BRINP2: variants seen among roughly 807,000 people sequenced by gnomAD.
BRINP2 encodes BMP/retinoic acid inducible neural specific 2.
Under a neutral mutation model 69.2 loss-of-function variants are expected in BRINP2, and 21 were observed. That is an observed-to-expected ratio of 0.30 (90% CI 0.22 to 0.44). The LOEUF (loss-of-function observed/expected upper bound fraction) is 0.44. BRINP2 is among the 20% of genes least tolerant of loss of function. The probability of loss-of-function intolerance (pLI) is 1.00; values close to 1 mark genes in which losing one functional copy is unlikely to be tolerated. For synonymous variants in BRINP2, 380 were observed against 394.1 expected, an observed-to-expected ratio of 0.96 and a Z score of 0.42; for missense variants, 877 against 986.0, an observed-to-expected ratio of 0.89 and a Z score of 1.48.
chr1:177,175,397 G>C (rs534004280), intron 1 of BRINP2, among the ~76,000 whole-genome samples: 1 of 152,320 alleles, frequency 6.6e-6, no homozygotes, highest in African/African-American at 2.4e-5. Flanking sequence ...GCAATGCCAA[G>C]GAAGGGCCCA....
chr1:177,236,919 A>G (rs775827155), intron 2 of BRINP2, among the ~76,000 whole-genome samples: 1 of 133,992 alleles, frequency 7.5e-6, no homozygotes, highest in South Asian at 2.3e-4. Context: ...GGGTGCAACT[A>G]AAAAAAAAAA....
At chr1:177,178,864 G>A (rs1234187048) in intron 1 of BRINP2, among the ~76,000 whole-genome samples, 1 of 152,132 alleles carries the variant, frequency 6.6e-6, no homozygotes, top group Non-Finnish European at 1.5e-5. Flanking sequence ...TAGACAGAAG[G>A]TATGATTATA....
intron 1 of BRINP2, among the ~76,000 whole-genome samples, chr1:177,189,202 A>G (rs916891830): frequency 9.2e-5 from 14 of 152,184 alleles, no homozygotes; most frequent in Non-Finnish European, 1.6e-4. Context: ...TTGATTCTGA[A>G]AACTCCAAAG....
intron 1 of BRINP2, among the ~76,000 whole-genome samples, chr1:177,201,819 C>A (rs1441791526): frequency 6.6e-6 from 1 of 152,152 alleles, no homozygotes; most frequent in Non-Finnish European, 1.5e-5. Context: ...GGCTGTGAAT[C>A]CATCTGGTCC....
intron 1 of BRINP2, among the ~76,000 whole-genome samples, chr1:177,228,639 A>C (rs976891654): frequency 1.3e-5 from 2 of 152,162 alleles, no homozygotes; most frequent in African/African-American, 4.8e-5. Flanking sequence ...TGGAGGTTGG[A>C]GGTCATTCTG....
At chr1:177,208,330 T>C (rs1649123062) in intron 1 of BRINP2, among the ~76,000 whole-genome samples, 2 of 152,186 alleles carry the variant, frequency 1.3e-5, no homozygotes, top group Non-Finnish European at 2.9e-5. Context: ...GCACTGTATG[T>C]AAGTAGGTTA....
At chr1:177,277,109 T>C (rs1651525217) in intron 6 of BRINP2, among the ~76,000 whole-genome samples, 1 of 152,112 alleles carries the variant, frequency 6.6e-6, no homozygotes, top group South Asian at 2.1e-4. Context: ...GTGGATATAG[T>C]TCAAAAACAT....
intron 1 of BRINP2, among the ~76,000 whole-genome samples, chr1:177,212,154 A>G (rs1649242281): frequency 6.6e-6 from 1 of 152,158 alleles, no homozygotes. Context: ...TTACTCACTG[A>G]AATGTAATCT....
intron 1 of BRINP2, among the ~76,000 whole-genome samples, chr1:177,224,124 T>C (rs1386331991): frequency 6.6e-6 from 1 of 152,180 alleles, no homozygotes; most frequent in Non-Finnish European, 1.5e-5. Flanking sequence ...CCTCCCTTTC[T>C]TGTAAAAACA....
In BRINP2 at chr1:177,198,847, T is replaced by G. The variant is rs565710387; in HGVS notation, c.-77+27115T>G. On this transcript the variant is annotated intron_variant, in intron 1 of 7. Transcript: ENST00000361539. ...TGCAAACACCTTTTGAATTTGGCAA[T>G]TAGGAGGTTTCTGAGAGTCAAAAGA... 3.3e-5 allele frequency among the ~76,000 whole-genome samples: 5 copies of G among 152,290 alleles called. No homozygotes were observed. The South Asian group carries it at 8.3e-4, about 25-fold the overall frequency.
intron 2 of BRINP2, among the ~76,000 whole-genome samples, chr1:177,240,819 C>T (rs1012786077): frequency 6.6e-6 from 1 of 152,178 alleles, no homozygotes; most frequent in Non-Finnish European, 1.5e-5. Flanking sequence ...GACGGCCAAT[C>T]AGGGCTAAGT....
chr1:177,201,875 A>G (rs939991644), intron 1 of BRINP2, among the ~76,000 whole-genome samples: 5 of 152,054 alleles, frequency 3.3e-5, no homozygotes, highest in Admixed American at 2.6e-4. Context: ...CCTCAATTTC[A>G]GAGCCTGTTA....
At chr1:177,256,816 C>T (rs1650776617) in intron 3 of BRINP2, 2 of 1,154,460 alleles carry the variant, frequency 1.7e-6, no homozygotes, top group Non-Finnish European at 2.2e-6. Context: ...GGCTTTTGCC[C>T]TTCCTGAGGG....
intron 1 of BRINP2, among the ~76,000 whole-genome samples, chr1:177,185,395 CTGCCG>C (rs1380811283): frequency 3.9e-5 from 6 of 152,136 alleles, no homozygotes; most frequent in Non-Finnish European, 8.8e-5. Flanking sequence ...ATGGAAAGTA[CTGCCG>C]TAAGGGAGAA....
At chr1:177,190,004 G>A (rs940365708) in intron 1 of BRINP2, among the ~76,000 whole-genome samples, 3 of 152,116 alleles carry the variant, frequency 2.0e-5, no homozygotes, top group African/African-American at 7.2e-5. Context: ...TCAACTGAAC[G>A]GAAATTCCCT....
intron 1 of BRINP2, among the ~76,000 whole-genome samples, chr1:177,178,420 T>TTCAAACACCAGGCAGCTCCC (rs1414208208): frequency 3.9e-5 from 6 of 152,146 alleles, no homozygotes; most frequent in Non-Finnish European, 8.8e-5. Context: ...CAGCAGCCAC[T>TTCAAACACCAGGCAGCTCCC]TCAAACACCA....
chr1:177,199,853 CTA>C (rs1236744543), intron 1 of BRINP2, among the ~76,000 whole-genome samples: 1 of 152,206 alleles, frequency 6.6e-6, no homozygotes, highest in Admixed American at 6.5e-5. Flanking sequence ...ATTCATGGCT[CTA>C]TGTGCAAAAT....
In BRINP2 at chr1:177,280,405, C is replaced by T; in HGVS notation, c.1236-7C>T. The T allele has an allele frequency of 6.3e-7, 1 of 1,586,586 alleles. No homozygotes were observed. Among genetic ancestry groups the T allele is most frequent in the Non-Finnish European group, 8.6e-7 (1 of 1,165,722 alleles). ...ACTCTTACTTCATTTTATCTCTGCT[C>T]CCCAAGGTCCTTGTCCTACTGGTGG... On this transcript the variant is annotated splice_region_variant and splice_polypyrimidine_tract_variant and intron_variant, in intron 7 of 7. Transcript: ENST00000361539.
chr1:177,221,012 G>T (rs1415420544), intron 1 of BRINP2, among the ~76,000 whole-genome samples: 1 of 152,150 alleles, frequency 6.6e-6, no homozygotes, highest in Non-Finnish European at 1.5e-5. Flanking sequence ...TAAGATTTTA[G>T]ACTTTTCTTC....
Sources: allele counts gnomAD v4.1 joint callset (sites outside exome capture counted in the v4.1 genomes callset), GRCh38; gene constraint gnomAD v4.1.1; transcripts MANE v1.5; gene names NCBI Gene and HGNC (gene_info 2026-07-23, HGNC 2026-07-21).